The following ARPP21 variants were observed in gnomAD, a reference collection of about 807,000 sequenced individuals.
The protein encoded by ARPP21 is cAMP regulated phosphoprotein 21.
Under a neutral mutation model 113.2 loss-of-function variants are expected in ARPP21, and 69 were observed. That is an observed-to-expected ratio of 0.61 (90% CI 0.50 to 0.74). ARPP21 has a LOEUF of 0.74. ARPP21 is among the 30% of genes least tolerant of loss of function. ARPP21 has a pLI of 0.00. For synonymous variants in ARPP21, 368 were observed against 375.5 expected, an observed-to-expected ratio of 0.98 and a Z score of 0.23; for missense variants, 1,070 against 1,037.4, an observed-to-expected ratio of 1.03 and a Z score of -0.43.
chr3:35,738,815 G>A (rs894035127), intron 17 of ARPP21, among the ~76,000 whole-genome samples: 2 of 152,178 alleles, frequency 1.3e-5, no homozygotes, highest in African/African-American at 4.8e-5. Context: ...TCAGGCCAGT[G>A]AATAAATACT....
At chr3:35,769,787 C>G (rs539697873) in intron 19 of ARPP21, among the ~76,000 whole-genome samples, 2 of 152,102 alleles carry the variant, frequency 1.3e-5, no homozygotes, top group African/African-American at 4.8e-5. Context: ...AACACATTCC[C>G]GTAACTAAAG....
chr3:35,739,982 C>T (rs908758542), intron 18 of ARPP21, among the ~76,000 whole-genome samples: 1 of 152,192 alleles, frequency 6.6e-6, no homozygotes, highest in Non-Finnish European at 1.5e-5. Context: ...GCATTCTTTC[C>T]TTTCTTATCA....
chr3:35,703,360 A>G (rs990107865), intron 9 of ARPP21, among the ~76,000 whole-genome samples: 4 of 151,926 alleles, frequency 2.6e-5, no homozygotes, highest in African/African-American at 9.7e-5. Context: ...TTGTCAATTC[A>G]TGAGCTATGC....
chr3:35,675,727 CT>C (rs1001114460), intron 1 of ARPP21, among the ~76,000 whole-genome samples: 1 of 151,718 alleles, frequency 6.6e-6, no homozygotes, highest in African/African-American at 2.4e-5. Flanking sequence ...TCTATCTAAC[CT>C]TTTTATTCTT....
intron 14 of ARPP21, among the ~76,000 whole-genome samples, chr3:35,728,522 CTTT>C (rs35476301): frequency 7.0e-4 from 100 of 143,854 alleles, no homozygotes; most frequent in East Asian, 1.0e-3. Context: ...CCAGCCCATC[CTTT>C]TTTTTTTTTT....
intron 9 of ARPP21, among the ~76,000 whole-genome samples, chr3:35,699,084 C>T (rs561301784): frequency 6.6e-6 from 1 of 151,222 alleles, no homozygotes; most frequent in African/African-American, 2.4e-5. Flanking sequence ...TTGATCAAGA[C>T]TGTGTGTGTG....
intron 9 of ARPP21, among the ~76,000 whole-genome samples, chr3:35,698,041 T>G (rs2084747284): frequency 6.6e-6 from 1 of 151,598 alleles, no homozygotes; most frequent in South Asian, 2.1e-4. Context: ...TTTACAGGAA[T>G]GGCAGTGAAA....
At chr3:35,780,014 T>C (rs967218514) in intron 19 of ARPP21, among the ~76,000 whole-genome samples, 3 of 152,240 alleles carry the variant, frequency 2.0e-5, no homozygotes, top group African/African-American at 7.2e-5. Context: ...AGTTACTGTC[T>C]GTCCAGATTT....
At chr3:35,699,818 A>G (rs2085574256) in intron 9 of ARPP21, among the ~76,000 whole-genome samples, 2 of 151,820 alleles carry the variant, frequency 1.3e-5, no homozygotes, top group Non-Finnish European at 2.9e-5. Flanking sequence ...TACAATATAT[A>G]AGCAGAAAGC....
chr3:35,754,425 G>T lies in ARPP21; in HGVS notation c.2137+10460G>T, dbSNP rs187400162. ...TAAAGAGTGACACGAGGACTTAATT[G>T]TCTGATGTCTATTAACATCAGTGGG... On this transcript the variant is annotated intron_variant, in intron 19 of 20. Transcript: ENST00000684406. Among the ~76,000 whole-genome samples, 16 of 151,980 alleles carry T rather than the reference G, an allele frequency of 1.1e-4. No individual in the cohort carries two copies. The East Asian group carries it at 3.1e-3, about 29-fold the overall frequency.
At chr3:35,685,673 C>T (rs1231822406) in intron 5 of ARPP21, 11 of 983,710 alleles carry the variant, frequency 1.1e-5, no homozygotes, top group Non-Finnish European at 1.3e-5. Context: ...GATCTCAGAC[C>T]CATACCTGAT....
At chr3:35,733,806 A>T (rs2094161233) in intron 15 of ARPP21, among the ~76,000 whole-genome samples, 1 of 152,166 alleles carries the variant, frequency 6.6e-6, no homozygotes, top group Non-Finnish European at 1.5e-5. Context: ...CTCTTTCCAG[A>T]AGAACCTGCC....
chr3:35,661,392 GAAAAGAGATA>G (rs71634569), intron 1 of ARPP21, among the ~76,000 whole-genome samples: 52,076 of 151,602 alleles, frequency 0.34, 9,469 homozygotes, highest in East Asian at 0.49. Flanking sequence ...ACAAAAAGAG[GAAAAGAGATA>G]AAGTGACTCT....
At position 35,677,536 on chromosome 3, in the gene ARPP21, C is replaced by T. The variant is rs190684120; in HGVS notation, c.-212-2251C>T. 2.4e-3 allele frequency among the ~76,000 whole-genome samples: 364 copies of T among 151,950 alleles called. 2 individuals carry two copies. The highest frequency in any genetic ancestry group is 8.4e-3 in the African/African-American group (348 of 41,494). On this transcript the variant is annotated intron_variant, in intron 1 of 20. Transcript: ENST00000684406. Reference sequence around the variant, plus strand: ...AGTTTACAGCATTGTTGATTAATTTCCTGTAGCTTAATTTGCAAACTATTG... The same window carrying T: ...AGTTTACAGCATTGTTGATTAATTTTCTGTAGCTTAATTTGCAAACTATTG...
intron 19 of ARPP21, among the ~76,000 whole-genome samples, chr3:35,748,126 AAAAG>A (rs200857635): frequency 0.037 from 4,717 of 126,734 alleles, 134 homozygotes; most frequent in Non-Finnish European, 0.055. Flanking sequence ...AGAAAGAAAG[AAAAG>A]AAAGAAAGGG....
At chr3:35,765,361 T>C (rs751667150) in intron 19 of ARPP21, among the ~76,000 whole-genome samples, 2 of 152,090 alleles carry the variant, frequency 1.3e-5, no homozygotes, top group African/African-American at 2.4e-5. Flanking sequence ...TTCTGAGAGA[T>C]AGTTAAGAAG....
chr3:35,647,409 C>T (rs9311102), intron 1 of ARPP21, among the ~76,000 whole-genome samples: 4,130 of 152,080 alleles, frequency 0.027, 170 homozygotes, highest in African/African-American at 0.091. Context: ...CTGATTGAAA[C>T]TCAGATTAAA....
intron 5 of ARPP21, chr3:35,685,476 T>A (rs1177261062): frequency 5.1e-6 from 5 of 985,126 alleles, no homozygotes; most frequent in Non-Finnish European, 3.6e-6. Context: ...ACTTTTGAGT[T>A]TATATGCAAT....
At chr3:35,765,022 C>T (rs2095911151) in intron 19 of ARPP21, among the ~76,000 whole-genome samples, 1 of 152,060 alleles carries the variant, frequency 6.6e-6, no homozygotes, top group Admixed American at 6.6e-5. Flanking sequence ...ATTATGTTCT[C>T]ATGTACCTAC....
Sources: allele counts gnomAD v4.1 joint callset (sites outside exome capture counted in the v4.1 genomes callset), GRCh38; gene constraint gnomAD v4.1.1; transcripts MANE v1.5; gene names NCBI Gene and HGNC (gene_info 2026-07-23, HGNC 2026-07-21).